FAM76A: variants seen among roughly 807,000 people sequenced by gnomAD.
The protein encoded by FAM76A is protein FAM76A.
FAM76A carries 32 observed loss-of-function variants against 46.2 expected under a neutral mutation model. The observed-to-expected ratio is 0.69, with a 90% CI of 0.52 to 0.93. FAM76A has a LOEUF of 0.93. Ranked by LOEUF, FAM76A falls within the 40% of genes least tolerant of loss-of-function variation. The pLI is 0.00. For synonymous variants in FAM76A, 137 were observed against 127.0 expected, an observed-to-expected ratio of 1.08 and a Z score of -0.53; for missense variants, 274 against 361.5, an observed-to-expected ratio of 0.76 and a Z score of 1.96.
chr1:27,754,099 CTTTTTTTTTTT>C (rs869275641), intron 6 of FAM76A, among the ~76,000 whole-genome samples: 3 of 87,522 alleles, frequency 3.4e-5, no homozygotes, highest in Admixed American at 1.3e-4. Context: ...ACTATCCCTT[CTTTTTTTTTTT>C]TTTTTTTTTT....
intron 2 of FAM76A, among the ~76,000 whole-genome samples, chr1:27,731,717 A>T (rs2087960959): frequency 6.6e-6 from 1 of 152,040 alleles, no homozygotes. Flanking sequence ...CTGCTAGTCC[A>T]TTTTAGTATA....
rs2088530984 is a variant in FAM76A at position 27,762,967 on chromosome 1, CTG to C, written c.*2388_*2389del. ...ATTTTGATTTTTAAAAATCATGACACTGTTTTACCATGAAATTGAGTAGCTAA... is the reference window on the plus strand; with the variant it reads ...ATTTTGATTTTTAAAAATCATGACACTTTTACCATGAAATTGAGTAGCTAA... On this transcript the variant is annotated 3_prime_UTR_variant, in exon 9 of 9. Transcript: ENST00000373954. The C allele has an allele frequency of 6.6e-6, 1 of 152,100 alleles. No individual in the cohort carries two copies. Among genetic ancestry groups the C allele is most frequent in the Admixed American group, 6.6e-5 (1 of 15,262 alleles). The allele number at this position is 152,100 out of a possible 1,614,324, so 9.4% of individuals were successfully genotyped here. A position where few individuals can be genotyped will look rare whatever the true frequency, so the allele number is the denominator to read the frequency against.
Position 27,744,780 on chromosome 1 carries a change from A to T in FAM76A, c.481A>T (p.Ser161Cys). 1 of 1,614,176 alleles carries T rather than the reference A, an allele frequency of 6.2e-7. No homozygotes were observed. The highest frequency in any genetic ancestry group is 8.5e-7 in the Non-Finnish European group (1 of 1,180,020). Residue 161 changes from serine to cysteine, a missense_variant, in exon 5 of 9, where the codon AGT becomes TGT. By Grantham distance (112) the Ser-to-Cys change is moderately radical. Coordinates refer to ENST00000373954, the MANE Select transcript of FAM76A (RefSeq NM_152660.3). The stretch of plus-strand genomic sequence containing the variant: ...TGGCCACCAGGAGAAGGAGCAGTAT[A>T]GTCGCCTGAGTGGTGGTGGCCATTA... ...RAGHQEKEQY[S>C]RLSGGGHYNS...
At chr1:27,753,722 G>T (rs2088367513) in intron 6 of FAM76A, among the ~76,000 whole-genome samples, 1 of 152,148 alleles carries the variant, frequency 6.6e-6, no homozygotes, top group Admixed American at 6.6e-5. Flanking sequence ...TTGTCCACTG[G>T]TTAGGCTTGC....
intron 2 of FAM76A, among the ~76,000 whole-genome samples, chr1:27,730,872 G>C (rs902652655): frequency 2.0e-5 from 3 of 151,462 alleles, no homozygotes; most frequent in African/African-American, 7.3e-5. Context: ...CTGGAGTGCG[G>C]TGGCACAATT....
intron 3 of FAM76A, among the ~76,000 whole-genome samples, chr1:27,733,057 C>T (rs913734504): frequency 2.0e-4 from 30 of 151,818 alleles, no homozygotes; most frequent in African/African-American, 7.3e-4. Context: ...CTCAGCCTCC[C>T]GAGTAGCTGG....
chr1:27,738,187 T>C (rs1330072388), intron 4 of FAM76A, among the ~76,000 whole-genome samples: 4 of 151,602 alleles, frequency 2.6e-5, no homozygotes, highest in African/African-American at 9.7e-5. Flanking sequence ...TAGTGAGACT[T>C]TGTCTCTAAA....
chr1:27,740,290 GCCTTA>G (rs752024804), intron 4 of FAM76A: 9 of 792,920 alleles, frequency 1.1e-5, no homozygotes, highest in East Asian at 7.9e-5. Flanking sequence ...ATGAAGGTTG[GCCTTA>G]CCATCAAACC....
chr1:27,753,037 G>A (rs1294838565), intron 6 of FAM76A, among the ~76,000 whole-genome samples: 1 of 152,212 alleles, frequency 6.6e-6, no homozygotes, highest in Non-Finnish European at 1.5e-5. Flanking sequence ...GCGCACGCCT[G>A]TAATCCCAGC....
At chr1:27,759,318 A>G (rs766287930) in intron 7 of FAM76A, among the ~76,000 whole-genome samples, 2 of 152,216 alleles carry the variant, frequency 1.3e-5, no homozygotes, top group Non-Finnish European at 2.9e-5. Flanking sequence ...ATTCTCAAAT[A>G]TTCAGAAATG....
At chr1:27,752,134 T>G (rs1376962975) in intron 6 of FAM76A, among the ~76,000 whole-genome samples, 1 of 152,182 alleles carries the variant, frequency 6.6e-6, no homozygotes, top group Admixed American at 6.5e-5. Context: ...ATTCCCCATG[T>G]TTTCTGCAAG....
intron 1 of FAM76A, 35 bp downstream of exon 1, chr1:27,726,196 A>G: frequency 1.6e-6 from 2 of 1,258,362 alleles, no homozygotes; most frequent in East Asian, 6.1e-5. Flanking sequence ...GGAACTGGGG[A>G]CGCAGGAGGC....
At chr1:27,737,868 CAAAAAAA>C (rs71571865) in intron 4 of FAM76A, among the ~76,000 whole-genome samples, 148 of 62,720 alleles carry the variant, frequency 2.4e-3, no homozygotes, top group Non-Finnish European at 3.8e-3. Context: ...ACAACAACAA[CAAAAAAA>C]AAAAAAAAAA....
intron 4 of FAM76A, among the ~76,000 whole-genome samples, chr1:27,741,425 G>C (rs543769940): frequency 4.0e-4 from 61 of 151,942 alleles, no homozygotes; most frequent in Non-Finnish European, 8.2e-4. Flanking sequence ...CTTCCAAAGT[G>C]CTGGGATTAC....
At chr1:27,748,708 C>T (rs937740766) in intron 5 of FAM76A, among the ~76,000 whole-genome samples, 3 of 151,852 alleles carry the variant, frequency 2.0e-5, no homozygotes, top group African/African-American at 4.8e-5. Context: ...GTCTCAATCT[C>T]CTGACCTCGT....
At chr1:27,756,093 C>A (rs1434991072) in intron 7 of FAM76A, among the ~76,000 whole-genome samples, 1 of 152,098 alleles carries the variant, frequency 6.6e-6, no homozygotes, top group Non-Finnish European at 1.5e-5. Flanking sequence ...GCTAAAAGAA[C>A]CTAATGTCTC....
chr1:27,759,476 T>A, intron 7 of FAM76A, 50 bp from the exon 8 acceptor site: 1 of 1,382,276 alleles, frequency 7.2e-7, no homozygotes, highest in Non-Finnish European at 1.0e-6. Flanking sequence ...AAGCAATTTT[T>A]TTTTATTGCA....
intron 2 of FAM76A, among the ~76,000 whole-genome samples, chr1:27,731,271 T>C (rs535030642): frequency 1.3e-5 from 2 of 150,670 alleles, no homozygotes; most frequent in South Asian, 4.3e-4. Flanking sequence ...TGGCGCAATC[T>C]TGGCTCACTG....
chr1:27,729,790 A>G (rs915775209), intron 2 of FAM76A, among the ~76,000 whole-genome samples: 1 of 152,154 alleles, frequency 6.6e-6, no homozygotes, highest in Non-Finnish European at 1.5e-5. Context: ...ATTGGCTTAC[A>G]CTAACATGCT....
Sources: allele counts gnomAD v4.1 joint callset (sites outside exome capture counted in the v4.1 genomes callset), GRCh38; gene constraint gnomAD v4.1.1; transcripts MANE v1.5; gene names NCBI Gene and HGNC (gene_info 2026-07-23, HGNC 2026-07-21).